Variants in R3HDM1 observed in about 807,000 individuals in gnomAD.
The protein encoded by R3HDM1 is R3H domain-containing protein 1.
Under a neutral mutation model 141.1 loss-of-function variants are expected in R3HDM1, and 46 were observed. The observed-to-expected ratio is 0.33, with a 90% confidence interval of 0.26 to 0.42. The LOEUF is 0.42. Among genes scored for constraint, R3HDM1 ranks in the 10% least tolerant of loss-of-function variants. The pLI, the probability that R3HDM1 is intolerant of heterozygous loss-of-function variation, is 1.00. For synonymous variants in R3HDM1, 435 were observed against 472.9 expected (o/e 0.92, Z 1.04); for missense variants, 1,184 against 1,368.3 (o/e 0.87, Z 2.12).
chr2:135,696,509 T>G (rs1261895524), intron 21 of R3HDM1, among the ~76,000 whole-genome samples: 1 of 152,222 alleles, frequency 6.6e-6, no homozygotes, highest in Non-Finnish European at 1.5e-5. Context: ...AAATTTTTTC[T>G]TAGAGACTGG....
intron 17 of R3HDM1, 113 bp from the exon 18 acceptor site, chr2:135,651,617 A>G (rs1401748457): frequency 2.0e-5 from 27 of 1,375,152 alleles, no homozygotes; most frequent in Non-Finnish European, 2.4e-5. Context: ...TGATATATAT[A>G]ATTTCCATAA....
In R3HDM1 at chr2:135,649,889, T is replaced by A. The variant is rs1183029544; in HGVS notation, c.1624-13T>A. ...CTGACATTAACATTGTTTGCCAACC[T>A]GTTATTCTTTAGCCTGTTCATCCTC... On this transcript the variant is annotated splice_polypyrimidine_tract_variant and intron_variant, in intron 16 of 26. Coordinates refer to ENST00000683871, the MANE Select transcript of R3HDM1 (RefSeq NM_001378107.1). 1 of 1,217,874 alleles carries A rather than the reference T, an allele frequency of 8.2e-7. No individual in the cohort carries two copies. Among genetic ancestry groups the A allele is most frequent in the East Asian group, 6.3e-5 (1 of 15,794 alleles). The allele number at this position is 1,217,874 out of a possible 1,614,324, so 75.4% of individuals were successfully genotyped here. A position where few individuals can be genotyped will look rare whatever the true frequency, so the allele number is the denominator to read the frequency against.
At chr2:135,666,311 A>C (rs998269767) in intron 19 of R3HDM1, among the ~76,000 whole-genome samples, 10 of 152,216 alleles carry the variant, frequency 6.6e-5, no homozygotes, top group African/African-American at 2.4e-4. Flanking sequence ...ATAGGGACTC[A>C]AGGCACAAAG....
chr2:135,590,301 T>C (rs1233894699), intron 1 of R3HDM1, among the ~76,000 whole-genome samples: 1 of 152,188 alleles, frequency 6.6e-6, no homozygotes, highest in Non-Finnish European at 1.5e-5. Context: ...ACATCAGATG[T>C]CAGACTTCAG....
intron 21 of R3HDM1, 41 bp from the exon 22 acceptor site, chr2:135,709,392 C>A (rs1233087885): frequency 6.2e-7 from 1 of 1,609,342 alleles, no homozygotes; most frequent in Non-Finnish European, 8.5e-7. Flanking sequence ...TGTTTATAGT[C>A]ATCCTCCTCT....
rs1024252154 is a variant in R3HDM1 at position 135,540,772 on chromosome 2, C to T, written c.-250+9139C>T. Among the ~76,000 whole-genome samples the T allele has an allele frequency of 7.2e-5, 11 of 152,152 alleles. No homozygotes were observed. In the East Asian group the frequency reaches 1.9e-3, roughly 27 times the overall value. ...TCCTTTCCAGAAGGTTTTCAGCTTA[C>T]TTTACCCAGTTGCATCAGAGGAATT... On this transcript the variant is annotated intron_variant, in intron 1 of 26. Transcript: ENST00000683871.
rs555868832 is a variant in R3HDM1 at position 135,674,941 on chromosome 2, T to G, written c.2153-391T>G. The stretch of plus-strand genomic sequence containing the variant: ...CTTGAAATTCTTAATAGTTGTTGTT[T>G]TTTTTTTTTTTTAACAAAGGGCCCT... On this transcript the variant is annotated intron_variant, in intron 19 of 26. Transcript: ENST00000683871. 9.5e-4 allele frequency among the ~76,000 whole-genome samples: 144 copies of G among 151,294 alleles called. 2 individuals are homozygous for G. The highest frequency in any genetic ancestry group is 3.4e-3 in the Middle Eastern group (1 of 294).
chr2:135,714,154 C>T (rs1311683026), intron 23 of R3HDM1, among the ~76,000 whole-genome samples: 1 of 152,032 alleles, frequency 6.6e-6, no homozygotes, highest in African/African-American at 2.4e-5. Context: ...TTGTAATTTA[C>T]AGTGGAGAAA....
intron 1 of R3HDM1, among the ~76,000 whole-genome samples, chr2:135,599,225 A>G (rs1173124089): frequency 6.6e-6 from 1 of 152,174 alleles, no homozygotes; most frequent in Non-Finnish European, 1.5e-5. Flanking sequence ...GTAGCACAGG[A>G]ATTATATATA....
At chr2:135,669,335 C>T in intron 19 of R3HDM1, 1 of 985,210 alleles carries the variant, frequency 1.0e-6, no homozygotes, top group Non-Finnish European at 1.2e-6. Flanking sequence ...AACTAACTAC[C>T]CAAAAATTTT....
chr2:135,622,947 A>C (rs1559270929), intron 7 of R3HDM1: 1 of 980,874 alleles, frequency 1.0e-6, no homozygotes. Flanking sequence ...TGATGTATGA[A>C]TTTTGGGAAA....
rs557922201 is a variant in R3HDM1 at position 135,565,315 on chromosome 2, G to GAAA, written c.-250+33688_-250+33690dup. 7.3e-3 allele frequency among the ~76,000 whole-genome samples: 1,041 copies of GAAA among 143,266 alleles called. 14 individuals are homozygous for GAAA. The highest frequency in any genetic ancestry group is 0.026 in the African/African-American group (980 of 37,750). 94.0% of individuals were successfully genotyped at this position (143,266 alleles called of 152,430 possible). A position where few individuals can be genotyped will look rare whatever the true frequency, so the allele number is the denominator to read the frequency against. ...AAAATTCTCTTCTGTCCTTGCCAAT[G>GAAA]AAAAAAAATTATTATTATTATTATT... On this transcript the variant is annotated intron_variant, in intron 1 of 26. Transcript: ENST00000683871.
intron 4 of R3HDM1, 102 bp downstream of exon 4, chr2:135,616,295 A>G (rs1574378194): frequency 1.7e-6 from 2 of 1,185,028 alleles, no homozygotes; most frequent in East Asian, 5.0e-5. Context: ...GTTCTTCCAT[A>G]TTTTATGGGG....
At chr2:135,595,730 A>T (rs1710500141) in intron 1 of R3HDM1, among the ~76,000 whole-genome samples, 1 of 152,108 alleles carries the variant, frequency 6.6e-6, no homozygotes, top group African/African-American at 2.4e-5. Context: ...TGCTTGGTTC[A>T]CTCATGTATC....
At chr2:135,673,604 A>G (rs1399734905) in intron 19 of R3HDM1, among the ~76,000 whole-genome samples, 1 of 152,244 alleles carries the variant, frequency 6.6e-6, no homozygotes, top group Non-Finnish European at 1.5e-5. Context: ...GGAAATTCAC[A>G]AGGAATAAAG....
intron 24 of R3HDM1, among the ~76,000 whole-genome samples, chr2:135,716,460 A>G (rs999235117): frequency 1.3e-5 from 2 of 152,226 alleles, no homozygotes; most frequent in African/African-American, 4.8e-5. Flanking sequence ...GCAGATGATT[A>G]TAAACTAATA....
chr2:135,656,713 C>A (rs957875614), intron 18 of R3HDM1: 1 of 152,172 alleles, frequency 6.6e-6, no homozygotes, highest in African/African-American at 2.4e-5. Context: ...CATTTACATT[C>A]TCTCCGTCCT....
Position 135,724,470 on chromosome 2 carries a change from C to A in R3HDM1, c.*178C>A. The A allele has an allele frequency of 1.8e-6, 1 of 541,258 alleles. No individual in the cohort carries two copies. Among genetic ancestry groups the A allele is most frequent in the Non-Finnish European group, 3.2e-6 (1 of 309,082 alleles). 33.5% of individuals were successfully genotyped at this position (541,258 alleles called of 1,614,324 possible). A position where few individuals can be genotyped will look rare whatever the true frequency, so the allele number is the denominator to read the frequency against. On this transcript the variant is annotated 3_prime_UTR_variant, in exon 27 of 27. Transcript: ENST00000683871. ...AAGGGGGAAAAATATGCATTTCACC[C>A]CACATGACTAGGAATCCACATCAGA...
chr2:135,655,533 G>T (rs1376452870), intron 18 of R3HDM1, among the ~76,000 whole-genome samples: 1 of 151,586 alleles, frequency 6.6e-6, no homozygotes, highest in Admixed American at 6.6e-5. Context: ...TTGAGATGGA[G>T]TCTTGCTCTG....
Sources: gnomAD v4.1 joint callset for allele counts (sites outside exome capture counted in the v4.1 genomes callset) on GRCh38, gnomAD v4.1.1 for gene constraint, MANE v1.5 for transcripts, NCBI Gene and HGNC (gene_info 2026-07-23, HGNC 2026-07-21) for gene names.